Variants in MCPH1 observed in about 807,000 individuals in gnomAD.
The protein encoded by MCPH1 is microcephalin.
Under a neutral mutation model 84.5 loss-of-function variants are expected in MCPH1, and 104 were observed. The ratio of observed to expected loss-of-function variants is 1.23; its 90% CI spans 1.05 to 1.45. The LOEUF (loss-of-function observed/expected upper bound fraction) is 1.45. Ranked by LOEUF, MCPH1 falls within the 40% of genes most tolerant of loss-of-function variation. The probability of loss-of-function intolerance (pLI) is 0.00; values close to 1 mark genes in which losing one functional copy is unlikely to be tolerated. For missense variants in MCPH1, 1,498 were observed against 1,005.7 expected (o/e 1.49, Z -6.62); for synonymous variants, 514 against 366.8 (o/e 1.40, Z -4.58).
At chr8:6,407,526 C>G (rs1797913962) in intron 1 of MCPH1, among the ~76,000 whole-genome samples, 1 of 152,030 alleles carries the variant, frequency 6.6e-6, no homozygotes, top group South Asian at 2.1e-4. Flanking sequence ...GAATAGCGGA[C>G]ACGTGTCTTG....
chr8:6,626,984 C>T (rs1244521397), intron 13 of MCPH1: 1 of 662,138 alleles, frequency 1.5e-6, no homozygotes, highest in African/African-American at 2.2e-5. Context: ...ACAGCATTGC[C>T]AAAAAAAAAA....
At chr8:6,602,537 C>A (rs943471730) in intron 12 of MCPH1, among the ~76,000 whole-genome samples, 2 of 152,170 alleles carry the variant, frequency 1.3e-5, no homozygotes, top group Admixed American at 1.3e-4. Context: ...GTGGCGGCGG[C>A]TGGGCTGTGC....
chr8:6,514,218 C>T (rs1815770089), intron 12 of MCPH1, among the ~76,000 whole-genome samples: 1 of 152,166 alleles, frequency 6.6e-6, no homozygotes, highest in African/African-American at 2.4e-5. Flanking sequence ...ATTTGAGAGT[C>T]TTACTCTGTT....
At chr8:6,547,156 CTCCTCACCA>C (rs1822748628) in intron 12 of MCPH1, among the ~76,000 whole-genome samples, 1 of 151,926 alleles carries the variant, frequency 6.6e-6, no homozygotes, top group Non-Finnish European at 1.5e-5. Context: ...TATAGTTTGC[CTCCTCACCA>C]TCCTCACTTG....
chr8:6,427,816 G>A (rs1273879799), intron 3 of MCPH1, among the ~76,000 whole-genome samples: 7 of 148,748 alleles, frequency 4.7e-5, no homozygotes, highest in African/African-American at 1.5e-4. Context: ...TTTTTGAAAC[G>A]GAGTGTCGCT....
At position 6,460,058 on chromosome 8, in the gene MCPH1, G is replaced by A. The variant is rs569547645; in HGVS notation, c.1935+4806G>A. 3.3e-5 allele frequency among the ~76,000 whole-genome samples: 5 copies of A among 152,216 alleles called. No homozygotes were observed. In the East Asian group the frequency reaches 7.7e-4, roughly 24 times the overall value. On this transcript the variant is annotated intron_variant, in intron 9 of 13. Coordinates refer to ENST00000344683, the MANE Select transcript of MCPH1 (RefSeq NM_024596.5). Reference sequence around the variant, plus strand: ...ATTGTTGTACCAGGGTATTGTTTTTGTTGTTTATTTACTTGAGAGTCACAG... The same window carrying A: ...ATTGTTGTACCAGGGTATTGTTTTTATTGTTTATTTACTTGAGAGTCACAG...
At chr8:6,579,019 C>T (rs1384599401) in intron 12 of MCPH1, among the ~76,000 whole-genome samples, 1 of 152,188 alleles carries the variant, frequency 6.6e-6, no homozygotes, top group African/African-American at 2.4e-5. Context: ...GGGGATATTT[C>T]AAAGGGAATA....
At chr8:6,473,657 T>A (rs17077056) in intron 9 of MCPH1, among the ~76,000 whole-genome samples, 1 of 152,092 alleles carries the variant, frequency 6.6e-6, no homozygotes, top group Non-Finnish European at 1.5e-5. Flanking sequence ...AATGCTATAT[T>A]TGTTGTATTT....
chr8:6,588,692 T>C (rs1281004916), intron 12 of MCPH1, among the ~76,000 whole-genome samples: 1 of 152,262 alleles, frequency 6.6e-6, no homozygotes, highest in South Asian at 2.1e-4. Context: ...ACAAAGTCAA[T>C]AGTCAACCTC....
intron 1 of MCPH1, among the ~76,000 whole-genome samples, chr8:6,408,408 G>T (rs1035522970): frequency 6.6e-5 from 10 of 152,022 alleles, no homozygotes; most frequent in African/African-American, 2.4e-4. Flanking sequence ...TTTTTGTAGA[G>T]CCAGGGTCTC....
chr8:6,573,773 A>G (rs1826850066), intron 12 of MCPH1, among the ~76,000 whole-genome samples: 1 of 151,984 alleles, frequency 6.6e-6, no homozygotes, highest in African/African-American at 2.4e-5. Context: ...CAGAGCAGAC[A>G]AGAAAACATG....
rs1006589862 is a variant in MCPH1, at chr8:6,621,620, G to C, written c.2381G>C (p.Ser794Thr). 1.2e-6 allele frequency: 2 copies of C among 1,614,238 alleles called. No individual in the cohort carries two copies. The highest frequency in any genetic ancestry group is 2.7e-5 in the African/African-American group (2 of 75,070). Residue 794 changes from serine to threonine, a missense_variant, in exon 13 of 14, where the codon AGC (serine) becomes ACC (threonine). Transcript: ENST00000344683. ...GTCAGCCAAGTCCCCCGCCAGGCCA[G>C]CATCGTCATCGGGCCCTACAGCGGA... ...GRVSQVPRQA[S>T]IVIGPYSGKK...
chr8:6,566,014 C>T (rs7003563), intron 12 of MCPH1, among the ~76,000 whole-genome samples: 1,885 of 152,262 alleles, frequency 0.012, 34 homozygotes, highest in African/African-American at 0.043. Context: ...TAATTATTTT[C>T]GGCTCTGCAG....
intron 13 of MCPH1, among the ~76,000 whole-genome samples, chr8:6,631,609 A>T (rs1407951548): frequency 6.6e-6 from 1 of 152,028 alleles, no homozygotes; most frequent in East Asian, 1.9e-4. Context: ...CAAAACCACA[A>T]TGAGATAGCA....
Position 6,647,466 on chromosome 8 carries a change from C to G in MCPH1, c.*4417C>G, listed in dbSNP as rs1460208516. 1 of 152,168 alleles carries G rather than the reference C, an allele frequency of 6.6e-6. No homozygotes were observed. The highest frequency in any genetic ancestry group is 2.4e-5 in the African/African-American group (1 of 41,444). The allele number at this position is 152,168 out of a possible 1,614,324, so 9.4% of individuals were successfully genotyped here. A position where few individuals can be genotyped will look rare whatever the true frequency, so the allele number is the denominator to read the frequency against. On this transcript the variant is annotated 3_prime_UTR_variant, in exon 14 of 14. Transcript: ENST00000344683. ...ATGAAAACATGGATCTGCACAAGGT[C>G]TTGTATACAAATGTTCATAGCAACA...
intron 13 of MCPH1, among the ~76,000 whole-genome samples, chr8:6,623,206 C>G (rs1215363947): frequency 6.6e-6 from 1 of 152,006 alleles, no homozygotes; most frequent in Non-Finnish European, 1.5e-5. Flanking sequence ...CAAATACAGT[C>G]TCATCCTGAG....
chr8:6,461,258 C>G (rs1806249637), intron 9 of MCPH1, among the ~76,000 whole-genome samples: 2 of 146,508 alleles, frequency 1.4e-5, no homozygotes, highest in South Asian at 4.3e-4. Flanking sequence ...CTCTATAAAT[C>G]AGTCAGAAAA....
intron 12 of MCPH1, among the ~76,000 whole-genome samples, chr8:6,573,094 C>A (rs1406584828): frequency 1.3e-5 from 2 of 152,064 alleles, no homozygotes; most frequent in Non-Finnish European, 2.9e-5. Context: ...AATAATTGAG[C>A]CAAGAGGGAG....
At position 6,445,383 on chromosome 8, in the gene MCPH1, A is replaced by T. The variant is rs779570029; in HGVS notation, c.1661A>T (p.Glu554Val). Residue 554 changes from glutamate (E) to valine (V), a missense_variant, in exon 8 of 14, where the codon GAA becomes GTA. Transcript: ENST00000344683. ...PLEGSLEEMK[E>V]AVGLKSTQNK... Reference sequence around the variant, plus strand: ...GAAGGAAGCCTTGAAGAAATGAAAGAAGCGGTTGGTCTGAAAAGCACACAG... The same window carrying T: ...GAAGGAAGCCTTGAAGAAATGAAAGTAGCGGTTGGTCTGAAAAGCACACAG... 46 of 1,614,152 alleles carry T rather than the reference A, an allele frequency of 2.8e-5. No homozygotes were observed. The Admixed American group carries it at 7.7e-4, about 27-fold the overall frequency.
Sources: gnomAD v4.1 joint callset for allele counts (sites outside exome capture counted in the v4.1 genomes callset) on GRCh38, gnomAD v4.1.1 for gene constraint, MANE v1.5 for transcripts, NCBI Gene and HGNC (gene_info 2026-07-23, HGNC 2026-07-21) for gene names.